MYT1L: variants seen among roughly 807,000 people sequenced by gnomAD.
MYT1L encodes myelin transcription factor 1-like protein.
A neutral mutation model predicts 126.7 loss-of-function variants in MYT1L; 12 were observed. The ratio of observed to expected loss-of-function variants is 0.09; its 90% CI spans 0.06 to 0.15. MYT1L has a LOEUF of 0.15. Among genes scored for constraint, MYT1L ranks in the 10% least tolerant of loss-of-function variants. The pLI is 1.00. For synonymous variants in MYT1L, 541 were observed against 604.2 expected, an observed-to-expected ratio of 0.90 and a Z score of 1.53; for missense variants, 979 against 1,585.2, an observed-to-expected ratio of 0.62 and a Z score of 6.49.
intron 3 of MYT1L, among the ~76,000 whole-genome samples, chr2:2,117,335 C>T (rs1057376085): frequency 5.6e-4 from 86 of 152,242 alleles, no homozygotes; most frequent in Middle Eastern, 3.4e-3. Context: ...AAATGTGTTG[C>T]AGTAGAGAAG....
At chr2:1,905,309 G>A (rs1355714409) in intron 13 of MYT1L, among the ~76,000 whole-genome samples, 1 of 151,808 alleles carries the variant, frequency 6.6e-6, no homozygotes, top group Admixed American at 6.6e-5. Flanking sequence ...AAAAGGTGGT[G>A]AATTCATGTA....
At chr2:1,904,492 C>T in intron 13 of MYT1L, among the ~76,000 whole-genome samples, 1 of 151,772 alleles carries the variant, frequency 6.6e-6, no homozygotes, top group African/African-American at 2.4e-5. Flanking sequence ...CCTCAGCCTC[C>T]CGAGTAGCTG....
intron 8 of MYT1L, among the ~76,000 whole-genome samples, chr2:1,964,634 T>A (rs1181278105): frequency 6.6e-6 from 1 of 152,208 alleles, no homozygotes; most frequent in Non-Finnish European, 1.5e-5. Flanking sequence ...AAATCTTAAC[T>A]AGATTTATTT....
intron 2 of MYT1L, among the ~76,000 whole-genome samples, chr2:2,221,449 G>A (rs2093869376): frequency 6.6e-6 from 1 of 152,126 alleles, no homozygotes; most frequent in South Asian, 2.1e-4. Flanking sequence ...CCCAGTTTGG[G>A]GACTGGGATA....
At chr2:2,057,879 C>T (rs1240403906) in intron 3 of MYT1L, among the ~76,000 whole-genome samples, 1 of 152,116 alleles carries the variant, frequency 6.6e-6, no homozygotes, top group Non-Finnish European at 1.5e-5. Flanking sequence ...TTTTGGCTAC[C>T]ATGAATAAAG....
intron 2 of MYT1L, among the ~76,000 whole-genome samples, chr2:2,181,096 C>T (rs1559251822): frequency 1.3e-5 from 2 of 150,764 alleles, no homozygotes; most frequent in South Asian, 4.2e-4. Flanking sequence ...ACCTGTGTAC[C>T]TGTGTGTGAA....
At chr2:2,301,721 C>G (rs1206235721) in intron 1 of MYT1L, among the ~76,000 whole-genome samples, 1 of 151,192 alleles carries the variant, frequency 6.6e-6, no homozygotes, top group Non-Finnish European at 1.5e-5. Context: ...GTCCCAGCTA[C>G]TCAGGAGGCT....
intron 5 of MYT1L, among the ~76,000 whole-genome samples, chr2:1,992,891 C>T (rs13398110): frequency 0.1 from 15,515 of 152,180 alleles, 1,123 homozygotes; most frequent in African/African-American, 0.22. Context: ...GACCAGTGTT[C>T]TGATATTTTG....
chr2:2,328,575 G>T lies in MYT1L; in HGVS notation c.-521+2392C>A, dbSNP rs142542474. Reference sequence around the variant, plus strand: ...AATTTGTGAAATTGGCATAAGTTCTGCTGTTGGATGCAAGTTTAACTCAAG... The same window carrying T: ...AATTTGTGAAATTGGCATAAGTTCTTCTGTTGGATGCAAGTTTAACTCAAG... On this transcript the variant is annotated intron_variant, in intron 1 of 24. Coordinates refer to ENST00000647738, the MANE Select transcript of MYT1L (RefSeq NM_001303052.2). Among the ~76,000 whole-genome samples, 296 of 152,284 alleles carry T rather than the reference G, an allele frequency of 1.9e-3. 1 individual carries two copies. The highest frequency in any genetic ancestry group is 6.8e-3 in the African/African-American group (284 of 41,552).
chr2:1,997,889 T>C (rs2062008793), intron 4 of MYT1L, among the ~76,000 whole-genome samples: 1 of 152,244 alleles, frequency 6.6e-6, no homozygotes, highest in African/African-American at 2.4e-5. Context: ...TTACCCATTA[T>C]GTCATTTGGC....
intron 4 of MYT1L, among the ~76,000 whole-genome samples, chr2:2,002,486 GT>G (rs1354331798): frequency 6.6e-6 from 1 of 152,236 alleles, no homozygotes; most frequent in African/African-American, 2.4e-5. Flanking sequence ...CCACTGGTAA[GT>G]GTCAGGCCAC....
chr2:2,094,417 A>G (rs1277976041), intron 3 of MYT1L, among the ~76,000 whole-genome samples: 1 of 152,210 alleles, frequency 6.6e-6, no homozygotes, highest in African/African-American at 2.4e-5. Flanking sequence ...CCATCCCATT[A>G]CTGGGTATAT....
intron 9 of MYT1L, among the ~76,000 whole-genome samples, chr2:1,932,763 G>A (rs1380337221): frequency 6.6e-6 from 1 of 152,198 alleles, no homozygotes; most frequent in African/African-American, 2.4e-5. Context: ...AGGAAAGAGA[G>A]GGTGCCAAGG....
rs145137776 is a variant in MYT1L, at chr2:1,790,899, C to T, written c.*968G>A. On this transcript the variant is annotated 3_prime_UTR_variant, in exon 25 of 25. Transcript: ENST00000647738. ...TCTTAAATTATCTTTTAGCTTAAAT[C>T]GAAAACACACAAATTCTGTTGATAA... 3.9e-3 allele frequency: 646 copies of T among 164,372 alleles called. 6 individuals carry two copies. Among genetic ancestry groups the T allele is most frequent in the African/African-American group, 0.014 (580 of 41,762 alleles). 10.2% of individuals were successfully genotyped at this position (164,372 alleles called of 1,614,324 possible).
intron 19 of MYT1L, among the ~76,000 whole-genome samples, chr2:1,847,783 G>A (rs776500771): frequency 5.3e-5 from 8 of 152,172 alleles, no homozygotes; most frequent in Non-Finnish European, 1.0e-4. Context: ...CACTGAGGAC[G>A]GAGAGTCGGC....
At chr2:2,161,299 A>G (rs766056791) in intron 3 of MYT1L, among the ~76,000 whole-genome samples, 1 of 152,238 alleles carries the variant, frequency 6.6e-6, no homozygotes, top group Non-Finnish European at 1.5e-5. Flanking sequence ...TGGATATTTG[A>G]TAACAAGAAC....
intron 2 of MYT1L, among the ~76,000 whole-genome samples, chr2:2,223,643 T>A (rs2093938616): frequency 6.6e-6 from 1 of 152,252 alleles, no homozygotes; most frequent in South Asian, 2.1e-4. Context: ...CATATTTTTT[T>A]ACAAGACTTT....
chr2:2,080,739 T>C (rs61139621), intron 3 of MYT1L, among the ~76,000 whole-genome samples: 1 of 152,196 alleles, frequency 6.6e-6, no homozygotes, highest in Admixed American at 6.5e-5. Flanking sequence ...GGAACTCTCA[T>C]ACATTGCAGG....
intron 2 of MYT1L, among the ~76,000 whole-genome samples, chr2:2,260,854 G>A (rs1351834189): frequency 1.3e-5 from 2 of 152,188 alleles, no homozygotes; most frequent in Non-Finnish European, 2.9e-5. Context: ...CTGGCCTGGT[G>A]AGGAGGGTGA....
Sources: allele counts gnomAD v4.1 joint callset (sites outside exome capture counted in the v4.1 genomes callset), GRCh38; gene constraint gnomAD v4.1.1; transcripts MANE v1.5; gene names NCBI Gene and HGNC (gene_info 2026-07-23, HGNC 2026-07-21).